The following KMT2C variants were observed in gnomAD, a reference collection of about 807,000 sequenced individuals.
KMT2C encodes the protein lysine methyltransferase 2C, also known as histone-lysine N-methyltransferase 2C.
KMT2C carries 88 observed loss-of-function variants against 507.9 expected under a neutral mutation model. That is an observed-to-expected ratio of 0.17 (90% confidence interval 0.15 to 0.21). The LOEUF is 0.21. Among genes scored for constraint, KMT2C ranks in the 10% least tolerant of loss-of-function variants. KMT2C has a pLI of 1.00. For synonymous variants in KMT2C, 2,049 were observed against 2,080.8 expected (o/e 0.98, Z 0.42); for missense variants, 4,954 against 5,957.8 (o/e 0.83, Z 5.55).
In KMT2C at chr7:152,182,196, G is replaced by A. The variant is rs2129120743; in HGVS notation, c.5664C>T (p.Asn1888=). 1.2e-6 allele frequency: 2 copies of A among 1,614,176 alleles called. No homozygotes were observed. Among genetic ancestry groups the A allele is most frequent in the Non-Finnish European group, 1.7e-6 (2 of 1,180,038 alleles). ...SPQVFSPGSS[N]SRPPSPMDPY... ...GATCCATTGGAGATGGTGGTCGTGAGTTAGAGGACCCAGGTGAAAACACTT... is the reference window on the plus strand; with the variant it reads ...GATCCATTGGAGATGGTGGTCGTGAATTAGAGGACCCAGGTGAAAACACTT... Residue 1888 remains asparagine, a synonymous_variant, in exon 36 of 59, where the codon AAC becomes AAT. Coordinates refer to ENST00000262189, the MANE Select transcript of KMT2C (RefSeq NM_170606.3).
At chr7:152,171,089 T>C (rs2092940512) in intron 40 of KMT2C, among the ~76,000 whole-genome samples, 175 bp downstream of exon 40, 1 of 152,236 alleles carries the variant, frequency 6.6e-6, no homozygotes, top group South Asian at 2.1e-4. Context: ...ACTATTTAGG[T>C]TGGTGAAAAA....
Position 152,180,973 on chromosome 7 carries a change from C to T in KMT2C, c.6887G>A (p.Arg2296His), listed in dbSNP as rs1265651858. Reference sequence around the variant, plus strand: ...CATTGGAGACTGATCATAGGGATCACGGGCAGCAGATGGGGAAACACGGCT... The same window carrying T: ...CATTGGAGACTGATCATAGGGATCATGGGCAGCAGATGGGGAAACACGGCT... ...TFSRVSPSAA[R>H]DPYDQSPMTP... The change falls in exon 36 of 59, where the codon CGT (arginine) becomes CAT (histidine). Residue 2296 changes from arginine (R) to histidine (H), a missense_variant. By Grantham distance (29) the Arg-to-His change is conservative. Around this residue, in one of 29 missense-constraint regions of KMT2C, gnomAD observed 1,689 missense variants for 1,654.3 expected, o/e 1.02. Transcript: ENST00000262189. 1.2e-5 allele frequency: 19 copies of T among 1,614,118 alleles called. No individual in the cohort carries two copies. In the East Asian group the frequency reaches 2.5e-4, roughly 21 times the overall value.
At chr7:152,190,027 G>A (rs151232498) in intron 31 of KMT2C, among the ~76,000 whole-genome samples, 7 of 152,216 alleles carry the variant, frequency 4.6e-5, no homozygotes, top group African/African-American at 1.2e-4. Flanking sequence ...TCATAGAAGC[G>A]CAAACCCTAT....
At chr7:152,267,088 T>C (rs1486412908) in intron 7 of KMT2C, among the ~76,000 whole-genome samples, 1 of 152,252 alleles carries the variant, frequency 6.6e-6, no homozygotes, top group African/African-American at 2.4e-5. Flanking sequence ...TCCTCCTTTG[T>C]TGGCTTTTGT....
intron 1 of KMT2C, among the ~76,000 whole-genome samples, chr7:152,386,097 T>C (rs1192548270): frequency 6.7e-6 from 1 of 148,742 alleles, no homozygotes; most frequent in African/African-American, 2.5e-5. Flanking sequence ...AAAAAAAAAA[T>C]TAATAAAAAT....
intron 15 of KMT2C, among the ~76,000 whole-genome samples, chr7:152,238,089 T>G (rs2095315767): frequency 6.6e-6 from 1 of 152,306 alleles, no homozygotes; most frequent in Non-Finnish European, 1.5e-5. Context: ...AAATCCTTGA[T>G]TAGTCTAAAT....
intron 1 of KMT2C, among the ~76,000 whole-genome samples, chr7:152,420,112 T>C (rs1486021370): frequency 1.3e-5 from 2 of 152,248 alleles, no homozygotes; most frequent in Non-Finnish European, 2.9e-5. Context: ...GTCTCTCCAC[T>C]GTATAATACA....
chr7:152,191,951 C>A (rs1172444357), intron 31 of KMT2C, among the ~76,000 whole-genome samples: 4 of 151,762 alleles, frequency 2.6e-5, no homozygotes, highest in East Asian at 3.9e-4. Context: ...TAGTTGTATA[C>A]CTGAAAGTCT....
chr7:152,291,466 AC>A (rs2096426006), intron 6 of KMT2C, among the ~76,000 whole-genome samples: 1 of 152,266 alleles, frequency 6.6e-6, no homozygotes, highest in Non-Finnish European at 1.5e-5. Flanking sequence ...CTGACATTTA[AC>A]AAGCTTTGTA....
intron 56 of KMT2C, 119 bp downstream of exon 56, chr7:152,139,556 T>G (rs1035877805): frequency 1.4e-6 from 1 of 725,678 alleles, no homozygotes; most frequent in East Asian, 2.5e-5. Context: ...ATATGGCTTT[T>G]GTTTAAAGCT....
At chr7:152,383,653 T>G (rs765149361) in intron 1 of KMT2C, among the ~76,000 whole-genome samples, 1 of 152,152 alleles carries the variant, frequency 6.6e-6, no homozygotes, top group Non-Finnish European at 1.5e-5. Flanking sequence ...GAGCATGAAC[T>G]CTAGATGCAG....
At position 152,318,220 on chromosome 7, in the gene KMT2C, A is replaced by G. The variant is rs567992774; in HGVS notation, c.390-2882T>C. Among the ~76,000 whole-genome samples, 4 of 152,324 alleles carry G rather than the reference A, an allele frequency of 2.6e-5. No homozygotes were observed. The East Asian group carries it at 7.7e-4, about 29-fold the overall frequency. On this transcript the variant is annotated intron_variant, in intron 3 of 58. Coordinates refer to ENST00000262189, the MANE Select transcript of KMT2C (RefSeq NM_170606.3). ...AATAGCATACGAAATCTTACTAGCC[A>G]TTACAATAATGTAAACCAAAACCAC...
At chr7:152,364,392 G>C (rs2097220507) in intron 1 of KMT2C, among the ~76,000 whole-genome samples, 1 of 152,156 alleles carries the variant, frequency 6.6e-6, no homozygotes, top group South Asian at 2.1e-4. Context: ...CAGATCACAA[G>C]GTCAGGAGAT....
In KMT2C at chr7:152,163,453, G is replaced by A; in HGVS notation, c.10124C>T (p.Pro3375Leu). ...PAPGTVSNAN[P>L]QSGPPPRVEF... is the part of the protein sequence containing the mutation. ...TACCCGAGGTGGTGGTCCACTCTGTGGATTTGCATTTGAGACTGTCCCTGG... is the reference window on the plus strand; with the variant it reads ...TACCCGAGGTGGTGGTCCACTCTGTAGATTTGCATTTGAGACTGTCCCTGG... The change falls in exon 43 of 59, where the codon CCA (proline) becomes CTA (leucine). Residue 3375 changes from proline to leucine, a missense_variant. Physicochemically the swap from Pro to Leu is moderately conservative, Grantham distance 98 (BLOSUM62 -3). Coordinates refer to ENST00000262189, the MANE Select transcript of KMT2C (RefSeq NM_170606.3). 2.5e-6 allele frequency: 4 copies of A among 1,614,200 alleles called. No individual in the cohort carries two copies. Among genetic ancestry groups the A allele is most frequent in the Non-Finnish European group, 1.7e-6 (2 of 1,180,036 alleles).
In KMT2C at chr7:152,226,219, C is replaced by CTT. The variant is rs869076803; in HGVS notation, c.2977-1605_2977-1604dup. Among the ~76,000 whole-genome samples the CTT allele has an allele frequency of 9.6e-3, 910 of 94,950 alleles. 60 individuals carry two copies. The highest frequency in any genetic ancestry group is 0.013 in the Non-Finnish European group (614 of 46,918). 62.3% of individuals were successfully genotyped at this position (94,950 alleles called of 152,430 possible). A position where few individuals can be genotyped will look rare whatever the true frequency, so the allele number is the denominator to read the frequency against. On this transcript the variant is annotated intron_variant, in intron 18 of 58. Transcript: ENST00000262189. ...AAGAGTTGGTTGTTCATTACAAGGC[C>CTT]TTTTTTTTTTTTTTTTTTTTTTTTT...
chr7:152,432,157 G>A (rs1268536136), intron 1 of KMT2C, among the ~76,000 whole-genome samples: 1 of 152,134 alleles, frequency 6.6e-6, no homozygotes, highest in African/African-American at 2.4e-5. Flanking sequence ...AAAAGGCCAA[G>A]GATAGTGCTT....
chr7:152,137,122 C>G, intron 58 of KMT2C, 198 bp from the exon 59 acceptor site: 1 of 535,186 alleles, frequency 1.9e-6, no homozygotes, highest in Non-Finnish European at 3.3e-6. Context: ...ATGAGGGAGG[C>G]AGTATTTTTA....
At chr7:152,410,881 A>G (rs36137003) in intron 1 of KMT2C, among the ~76,000 whole-genome samples, 8 of 151,266 alleles carry the variant, frequency 5.3e-5, no homozygotes, top group African/African-American at 1.2e-4. Context: ...GCACATCCCC[A>G]CGGCCCCAGC....
rs771770658 is a variant in KMT2C at position 152,230,274 on chromosome 7, A to T, written c.2817T>A (p.Ser939=). Residue 939 remains serine (S), a synonymous_variant, in exon 17 of 59, where the codon TCT becomes TCA. Transcript: ENST00000262189. ...ISSNKDDEEN[S]MHNTVVLFSS... ...AAAACAACACAACTGTATTGTGCAT[A>T]GAGTTTTCTTCATCATCCTTATTTG... The T allele has an allele frequency of 5.0e-6, 8 of 1,604,006 alleles. No homozygotes were observed. The South Asian group carries it at 5.6e-5, about 11-fold the overall frequency.
Sources: allele counts gnomAD v4.1 joint callset (sites outside exome capture counted in the v4.1 genomes callset), GRCh38; gene constraint gnomAD v4.1.1; regional missense constraint gnomAD v4.1.1; transcripts MANE v1.5; gene names NCBI Gene and HGNC (gene_info 2026-07-23, HGNC 2026-07-21).